The following DTNA variants were observed in gnomAD, a reference collection of about 807,000 sequenced individuals.
The protein encoded by DTNA is dystrophin-related protein 3.
In DTNA, 43 loss-of-function variants were observed where a neutral mutation model predicts 100.7. That is an observed-to-expected ratio of 0.43 (90% CI 0.33 to 0.55). The LOEUF (loss-of-function observed/expected upper bound fraction) is 0.55. Ranked by LOEUF, DTNA falls within the 20% of genes least tolerant of loss-of-function variation. The pLI is 0.04. For synonymous variants in DTNA, 349 were observed against 347.9 expected (o/e 1.00, Z -0.04); for missense variants, 798 against 953.9 (o/e 0.84, Z 2.15).
At chr18:34,820,266 A>G (rs1003940008) in intron 8 of DTNA, among the ~76,000 whole-genome samples, 1 of 152,034 alleles carries the variant, frequency 6.6e-6, no homozygotes, top group Non-Finnish European at 1.5e-5. Context: ...CTTCATTCCA[A>G]GCCTATTTCC....
chr18:34,837,884 C>G lies in DTNA; in HGVS notation c.1176-210C>G, dbSNP rs542157005. On this transcript the variant is annotated intron_variant, in intron 11 of 22. Coordinates refer to ENST00000444659, the MANE Select transcript of DTNA (RefSeq NM_001386795.1). ...AAATAGCAGAGGTCAAATCTGGGAT[C>G]ATGGTGATTGCGATTGTGGTTCTCA... 7.2e-5 allele frequency among the ~76,000 whole-genome samples: 11 copies of G among 152,320 alleles called. 1 individual carries two copies. The South Asian group carries it at 1.0e-3, about 14-fold the overall frequency.
At chr18:34,793,349 C>G (rs1904806) in intron 3 of DTNA, among the ~76,000 whole-genome samples, 71,732 of 151,956 alleles carry the variant, frequency 0.47, 19,859 homozygotes, top group East Asian at 0.87. Flanking sequence ...TGAAAGTAAC[C>G]ATGACTTAAA....
chr18:34,812,252 A>G (rs1304720218), intron 6 of DTNA, 139 bp downstream of exon 6: 1 of 1,224,032 alleles, frequency 8.2e-7, no homozygotes, highest in Admixed American at 2.0e-5. Flanking sequence ...AGCCTCTGGC[A>G]AATGACCTCT....
At chr18:34,709,355 C>T (rs1383284), upstream of DTNA, 1 of 152,122 alleles carries the variant, frequency 6.6e-6, no homozygotes, top group Non-Finnish European at 1.5e-5. Context: ...TTATGCGAGG[C>T]CTGAGGGATG....
intron 11 of DTNA, among the ~76,000 whole-genome samples, chr18:34,835,619 G>GC: frequency 6.6e-6 from 1 of 152,056 alleles, no homozygotes; most frequent in East Asian, 1.9e-4. Flanking sequence ...CCGGCCTATC[G>GC]CCCCCTTCTC....
At chr18:34,761,256 CTT>C (rs1185893747) in intron 2 of DTNA, among the ~76,000 whole-genome samples, 1 of 152,006 alleles carries the variant, frequency 6.6e-6, no homozygotes, top group African/African-American at 2.4e-5. Context: ...TTGAGCAAAA[CTT>C]TTAAATGAAT....
intron 1 of DTNA, among the ~76,000 whole-genome samples, chr18:34,506,391 C>T (rs2144758037): frequency 6.6e-6 from 1 of 152,184 alleles, no homozygotes. Flanking sequence ...AAAGTCCCAG[C>T]TTTTTACTTG....
At chr18:34,749,643 A>AAATAATAATAAC in intron 1 of DTNA, among the ~76,000 whole-genome samples, 1 of 39,860 alleles carries the variant, frequency 2.5e-5, no homozygotes, top group African/African-American at 7.2e-5. Flanking sequence ...TCTCTCCAAA[A>AAATAATAATAAC]AATAATAATA....
Position 34,884,792 on chromosome 18 carries a change from T to C in DTNA, c.*31+16T>C. 2 of 1,613,620 alleles carry C rather than the reference T, an allele frequency of 1.2e-6. No individual in the cohort carries two copies. The highest frequency in any genetic ancestry group is 8.5e-7 in the Non-Finnish European group (1 of 1,179,546). On this transcript the variant is annotated intron_variant, in intron 22 of 22. Coordinates refer to ENST00000444659, the MANE Select transcript of DTNA (RefSeq NM_001386795.1). ...CTCCTCTCAAGTAAGTACCATCTTA[T>C]TTAGGAGGAATCATGGCCACTGTAC... is the stretch of plus-strand genomic sequence containing the variant.
chr18:34,719,960 G>A (rs2084916056), intron 1 of DTNA, among the ~76,000 whole-genome samples: 1 of 152,130 alleles, frequency 6.6e-6, no homozygotes, highest in Non-Finnish European at 1.5e-5. Context: ...GTACTAATAA[G>A]AGCAAATGGA....
chr18:34,510,115 T>G lies in DTNA; in HGVS notation c.-2+16601T>G, dbSNP rs558597722. ...TGTGGTTTTTTTGGTTGTTGTTGTT[T>G]TTTTTTTTTTAAGTCTGAGCTTGGT... On this transcript the variant is annotated intron_variant, in intron 1 of 19. Coordinates refer to the DTNA transcript ENST00000283365. Among the ~76,000 whole-genome samples, 18 of 150,626 alleles carry G rather than the reference T, an allele frequency of 1.2e-4. No individual in the cohort carries two copies. The East Asian group carries it at 1.8e-3, about 15-fold the overall frequency.
chr18:34,713,721 G>A (rs937319547), intron 1 of DTNA, among the ~76,000 whole-genome samples: 5 of 151,916 alleles, frequency 3.3e-5, no homozygotes, highest in African/African-American at 1.2e-4. Flanking sequence ...AATTACCTTG[G>A]GCAGTATGGC....
At chr18:34,796,011 A>G (rs2094953166) in intron 4 of DTNA, among the ~76,000 whole-genome samples, 1 of 152,244 alleles carries the variant, frequency 6.6e-6, no homozygotes, top group Non-Finnish European at 1.5e-5. Context: ...AATTCACAAA[A>G]AAGTTCAGAA....
At chr18:34,729,631 A>G (rs2087597307) in intron 1 of DTNA, among the ~76,000 whole-genome samples, 1 of 152,266 alleles carries the variant, frequency 6.6e-6, no homozygotes, top group Non-Finnish European at 1.5e-5. Flanking sequence ...AATTTTTAAA[A>G]CTTCTGAAGG....
In DTNA at chr18:34,633,370, T is replaced by A. The variant is rs997726987; in HGVS notation, c.-1-122606T>A. ...GAAAACATAAAACAGTAAGAAACTTTAAAAAATTTTTAATAGTATTGCTTG... is the reference window on the plus strand; with the variant it reads ...GAAAACATAAAACAGTAAGAAACTTAAAAAAATTTTTAATAGTATTGCTTG... On this transcript the variant is annotated intron_variant, in intron 1 of 19. Coordinates refer to the DTNA transcript ENST00000283365. Among the ~76,000 whole-genome samples, 11 of 152,254 alleles carry A rather than the reference T, an allele frequency of 7.2e-5. No individual in the cohort carries two copies. In the East Asian group the frequency reaches 1.9e-3, roughly 27 times the overall value.
chr18:34,888,684 A>C lies in DTNA; in HGVS notation c.*950A>C. On this transcript the variant is annotated 3_prime_UTR_variant, in exon 23 of 23. Transcript: ENST00000444659. ...GTTTATAAACCACAGGTGCCATAAGATCCCCAAACGGACTAAAGTTATCTC... is the reference window on the plus strand; with the variant it reads ...GTTTATAAACCACAGGTGCCATAAGCTCCCCAAACGGACTAAAGTTATCTC... 1.0e-6 allele frequency: 1 copy of C among 985,868 alleles called. No homozygotes were observed. The highest frequency in any genetic ancestry group is 1.2e-6 in the Non-Finnish European group (1 of 829,946). The allele number at this position is 985,868 out of a possible 1,614,324, so 61.1% of individuals were successfully genotyped here. A position where few individuals can be genotyped will look rare whatever the true frequency, so the allele number is the denominator to read the frequency against.
rs183639317 is a variant in DTNA at position 34,674,764 on chromosome 18, T to C, written c.-1-81212T>C. ...GATGATTGCTATTCATCATTAAAGA[T>C]TATGTACTAGAGATGATGAAGAAAC... On this transcript the variant is annotated intron_variant, in intron 1 of 19. Transcript: ENST00000283365. Among the ~76,000 whole-genome samples the C allele has an allele frequency of 6.6e-5, 10 of 152,322 alleles. No individual in the cohort carries two copies. The East Asian group carries it at 1.9e-3, about 29-fold the overall frequency.
intron 9 of DTNA, among the ~76,000 whole-genome samples, chr18:34,826,423 A>G (rs550750676): frequency 2.4e-4 from 36 of 152,170 alleles, no homozygotes; most frequent in Non-Finnish European, 4.9e-4. Context: ...TGTAGTATTG[A>G]CATTTTAAAG....
intron 17 of DTNA, among the ~76,000 whole-genome samples, chr18:34,873,139 A>G (rs1321213865): frequency 6.6e-6 from 1 of 152,264 alleles, no homozygotes; most frequent in Non-Finnish European, 1.5e-5. Flanking sequence ...TGTACTAGGA[A>G]AATGAAACAA....
Sources: gnomAD v4.1 joint callset for allele counts (sites outside exome capture counted in the v4.1 genomes callset) on GRCh38, gnomAD v4.1.1 for gene constraint, MANE v1.5 for transcripts, NCBI Gene and HGNC (gene_info 2026-07-23, HGNC 2026-07-21) for gene names.